Variants in DBF4B observed in about 807,000 individuals in gnomAD.
DBF4B encodes protein DBF4 homolog B.
Under a neutral mutation model 53.4 loss-of-function variants are expected in DBF4B, and 49 were observed. The observed-to-expected ratio is 0.92, with a 90% confidence interval of 0.73 to 1.16. The LOEUF (loss-of-function observed/expected upper bound fraction) is 1.16, where lower values mean the gene tolerates loss of function less well. Among genes scored for constraint, DBF4B ranks in the 50% most tolerant of loss-of-function variants. DBF4B has a pLI of 0.00. For missense variants in DBF4B, 692 were observed against 775.0 expected, an observed-to-expected ratio of 0.89 and a Z score of 1.27; for synonymous variants, 257 against 288.7, an observed-to-expected ratio of 0.89 and a Z score of 1.11.
chr17:44,708,964 T>C, intron 1 of DBF4B, 125 bp downstream of exon 1: 2 of 1,364,978 alleles, frequency 1.5e-6, no homozygotes, highest in South Asian at 1.4e-5. Flanking sequence ...GAGGAGGGTA[T>C]AGGGGCCGGG....
At position 44,751,822 on chromosome 17, in the gene DBF4B, C is replaced by G; in HGVS notation, c.*569C>G. On this transcript the variant is annotated 3_prime_UTR_variant, in exon 14 of 14. Transcript: ENST00000315005. ...CTGGTGACCAAAGTTGGTTCCTTTT[C>G]TCCTTTCTTTCCTCCTTGAAGCCTG... 1 of 1,532,400 alleles carries G rather than the reference C, an allele frequency of 6.5e-7. No individual in the cohort carries two copies. Among genetic ancestry groups the G allele is most frequent in the Non-Finnish European group, 8.7e-7 (1 of 1,144,564 alleles). The allele number at this position is 1,532,400 out of a possible 1,614,324, so 94.9% of individuals were successfully genotyped here.
intron 1 of DBF4B, 80 bp downstream of exon 1, chr17:44,708,919 GC>G (rs1339723241): frequency 1.3e-6 from 2 of 1,527,392 alleles, no homozygotes. Context: ...CGTGGAGGGG[GC>G]TTAGGAAGTG....
chr17:44,738,466 G>A (rs761400369), intron 9 of DBF4B, 42 bp downstream of exon 9: 2 of 1,598,666 alleles, frequency 1.3e-6, no homozygotes, highest in Middle Eastern at 1.7e-4. Context: ...AGCTAGGCCT[G>A]CACAGAGGAG....
At chr17:44,725,400 C>T (rs1332166217) in intron 3 of DBF4B, among the ~76,000 whole-genome samples, 2 of 152,114 alleles carry the variant, frequency 1.3e-5, no homozygotes, top group African/African-American at 2.4e-5. Context: ...TTCTTTCCTC[C>T]CTTCCTCTCA....
intron 7 of DBF4B, among the ~76,000 whole-genome samples, chr17:44,736,223 A>C (rs1015025020): frequency 1.3e-5 from 2 of 151,712 alleles, no homozygotes; most frequent in Non-Finnish European, 2.9e-5. Flanking sequence ...AGCTCAAGCA[A>C]TCCACCTGCC....
chr17:44,744,966 C>G (rs1976457731), intron 10 of DBF4B, among the ~76,000 whole-genome samples: 1 of 151,988 alleles, frequency 6.6e-6, no homozygotes, highest in Non-Finnish European at 1.5e-5. Context: ...GAAAAATGAG[C>G]TCTTTGTTAT....
intron 13 of DBF4B, chr17:44,750,370 C>A: frequency 7.3e-7 from 1 of 1,362,646 alleles, no homozygotes; most frequent in South Asian, 2.0e-5. Flanking sequence ...TTCTGTGTCT[C>A]CTTTCAAAGG....
At chr17:44,730,207 C>T (rs1404565259) in intron 4 of DBF4B, 111 bp downstream of exon 4, 8 of 1,187,866 alleles carry the variant, frequency 6.7e-6, no homozygotes, top group South Asian at 1.6e-5. Context: ...TTTAATCTCT[C>T]ATTTGAATTC....
chr17:44,709,622 A>G (rs539680222), intron 2 of DBF4B, among the ~76,000 whole-genome samples: 4 of 152,146 alleles, frequency 2.6e-5, no homozygotes, highest in Admixed American at 6.6e-5. Context: ...CACCAGGCCC[A>G]CTTAGTGGTT....
At position 44,741,090 on chromosome 17, in the gene DBF4B, G is replaced by A. The variant is rs1333564364; in HGVS notation, c.714-246G>A. On this transcript the variant is annotated intron_variant, in intron 9 of 13. Transcript: ENST00000315005. ...GCGGAGCTTGCAGTGAGCCGAGATC[G>A]CGCCACTGCACTCCAGCCTGGGCGA... Among the ~76,000 whole-genome samples, 5 of 151,976 alleles carry A rather than the reference G, an allele frequency of 3.3e-5. No homozygotes were observed. The East Asian group carries it at 7.8e-4, about 24-fold the overall frequency.
At chr17:44,729,277 C>T (rs1974612122) in intron 3 of DBF4B, among the ~76,000 whole-genome samples, 1 of 150,588 alleles carries the variant, frequency 6.6e-6, no homozygotes, top group Non-Finnish European at 1.5e-5. Context: ...TCATAGCTCA[C>T]TGCATCACTG....
At chr17:44,748,932 G>C in intron 13 of DBF4B, 1 of 1,287,916 alleles carries the variant, frequency 7.8e-7, no homozygotes. Context: ...TCCCCTGGCA[G>C]CCCACAGACA....
rs62636632 is a variant in DBF4B, at chr17:44,722,944, C to A, written c.147C>A (p.Ser49=). ...NSPGARKHPF[S]GKSFYLDLPA... ...CAGGTGCCAGGAAGCATCCCTTTTC[C>A]GGAAAGTCCTTTTACTTGGATCTGC... The change falls in exon 3 of 14, where the codon TCC becomes TCA. Residue 49 remains serine, a synonymous_variant. Transcript: ENST00000315005. The A allele has an allele frequency of 7.4e-6, 12 of 1,614,108 alleles. No individual in the cohort carries two copies. Among genetic ancestry groups the A allele is most frequent in the South Asian group, 2.2e-5 (2 of 91,080 alleles).
chr17:44,751,888 C>A lies in DBF4B; in HGVS notation c.*635C>A. On this transcript the variant is annotated 3_prime_UTR_variant, in exon 14 of 14. Transcript: ENST00000315005. The stretch of plus-strand genomic sequence containing the variant: ...GCAGCCCCTCAGTGGCCTGGTTCTC[C>A]TGTCCCCCTGCCCTTCCTCACCATT... 6.5e-7 allele frequency: 1 copy of A among 1,536,234 alleles called. No homozygotes were observed. The highest frequency in any genetic ancestry group is 1.2e-5 in the South Asian group (1 of 84,066).
At position 44,749,785 on chromosome 17, in the gene DBF4B, G is replaced by T. The variant is rs373293091; in HGVS notation, c.1190-810G>T. On this transcript the variant is annotated intron_variant, in intron 13 of 13. Transcript: ENST00000315005. This position sits in a 1 kb window ranked among gnomAD's most constrained non-coding sequence, Gnocchi z 4.4. Reference sequence around the variant, plus strand: ...CAGGCCCTTGCCTCTCTGCAGAGCCGCGGGTTAGCTGTTGGTGTGCTCCAC... The same window carrying T: ...CAGGCCCTTGCCTCTCTGCAGAGCCTCGGGTTAGCTGTTGGTGTGCTCCAC... The T allele has an allele frequency of 1.9e-6, 2 of 1,069,856 alleles. No homozygotes were observed. The highest frequency in any genetic ancestry group is 2.3e-6 in the Non-Finnish European group (2 of 879,048). 66.3% of individuals were successfully genotyped at this position (1,069,856 alleles called of 1,614,324 possible). A position where few individuals can be genotyped will look rare whatever the true frequency, so the allele number is the denominator to read the frequency against.
At chr17:44,732,343 T>C in intron 6 of DBF4B, 78 bp downstream of exon 6, 1 of 1,472,526 alleles carries the variant, frequency 6.8e-7, no homozygotes, top group East Asian at 2.3e-5. Flanking sequence ...AGAAGGATCA[T>C]GGTCATGTGA....
At chr17:44,725,081 A>C (rs948936622) in intron 3 of DBF4B, among the ~76,000 whole-genome samples, 1 of 142,694 alleles carries the variant, frequency 7.0e-6, no homozygotes, top group African/African-American at 2.7e-5. Context: ...ACGCCATTGC[A>C]CTCCAGCCTG....
intron 9 of DBF4B, among the ~76,000 whole-genome samples, chr17:44,740,931 C>G (rs1053627525): frequency 6.6e-6 from 1 of 151,922 alleles, no homozygotes; most frequent in African/African-American, 2.4e-5. Context: ...GTCAGGAGAT[C>G]GAGACCATCC....
rs986181362 is a variant in DBF4B, at chr17:44,750,778, C to T, written c.1373C>T (p.Thr458Ile). ...TCCTTTACCCAGTCTCATCTGGTCA[C>T]TTCCTTGGCTCTGCTGCCTGGGGAG... ...PASFTQSHLVTSLALLPGEWS... is the reference protein window; with the variant it reads ...PASFTQSHLVISLALLPGEWS... The change falls in exon 14 of 14, where the codon ACT becomes ATT. Residue 458 changes from threonine (T) to isoleucine (I), a missense_variant. This residue lies in a region of DBF4B where 597 missense variants were observed against 665.8 expected (regional missense o/e 0.90). Transcript: ENST00000315005. 1.2e-6 allele frequency: 2 copies of T among 1,614,244 alleles called. No homozygotes were observed. Among genetic ancestry groups the T allele is most frequent in the South Asian group, 2.2e-5 (2 of 91,092 alleles).
Sources: gnomAD v4.1 joint callset for allele counts (sites outside exome capture counted in the v4.1 genomes callset) on GRCh38, gnomAD v4.1.1 for gene constraint, gnomAD v4.1.1 regional missense constraint, Gnocchi (gnomAD v3.1) non-coding constraint, MANE v1.5 for transcripts, NCBI Gene and HGNC (gene_info 2026-07-23, HGNC 2026-07-21) for gene names.